The following PEX3 variants were observed in gnomAD, a reference collection of about 807,000 sequenced individuals.
The protein encoded by PEX3 is peroxin-3.
PEX3 carries 30 observed loss-of-function variants against 55.8 expected under a neutral mutation model. That is an observed-to-expected ratio of 0.54 (90% CI 0.40 to 0.73). The LOEUF is 0.73. PEX3 is among the 30% of genes least tolerant of loss of function. The pLI is 0.00. For synonymous variants in PEX3, 135 were observed against 148.4 expected (o/e 0.91, Z 0.66); for missense variants, 351 against 432.8 (o/e 0.81, Z 1.68).
chr6:143,450,900 GA>G lies in PEX3; in HGVS notation c.-140del. On this transcript the variant is annotated 5_prime_UTR_variant, in exon 1 of 12. Transcript: ENST00000367591. ...TGCCGCTCCGGTGACAGTCTCTGCG[GA>G]AAGTCACGTTTGTGATTTCGGGAGA... 2.4e-6 allele frequency: 2 copies of G among 823,908 alleles called. No individual in the cohort carries two copies. Among genetic ancestry groups the G allele is most frequent in the Admixed American group, 1.7e-5 (1 of 58,406 alleles). 51.0% of individuals were successfully genotyped at this position (823,908 alleles called of 1,614,324 possible).
chr6:143,489,885 G>A lies in PEX3; in HGVS notation c.*659G>A, dbSNP rs1780365144. 6.6e-6 allele frequency: 1 copy of A among 152,088 alleles called. No homozygotes were observed. The highest frequency in any genetic ancestry group is 6.5e-5 in the Admixed American group (1 of 15,274). The allele number at this position is 152,088 out of a possible 1,614,324, so 9.4% of individuals were successfully genotyped here. A position where few individuals can be genotyped will look rare whatever the true frequency, so the allele number is the denominator to read the frequency against. ...ACATATTGGTTTAGAGGCTAAAATT[G>A]TGTTGATGCTGTTTACTCACCTAAT... On this transcript the variant is annotated 3_prime_UTR_variant, in exon 12 of 12. Transcript: ENST00000367591. This position sits in a 1 kb window ranked among gnomAD's most constrained non-coding sequence, Gnocchi z 5.5.
Position 143,467,310 on chromosome 6 carries a change from C to T in PEX3, c.288-812C>T, listed in dbSNP as rs1780005321. ...TTTAGACTAATTTTCTAAATTTTGA[C>T]TAATTTAGAAATATCAGTATGAATT... is the stretch of plus-strand genomic sequence containing the variant. On this transcript the variant is annotated intron_variant, in intron 3 of 11. Coordinates refer to ENST00000367591, the MANE Select transcript of PEX3 (RefSeq NM_003630.3). Among the ~76,000 whole-genome samples the T allele has an allele frequency of 2.0e-5, 3 of 151,968 alleles. No homozygotes were observed. In the South Asian group the frequency reaches 6.2e-4, roughly 32 times the overall value.
Position 143,471,395 on chromosome 6 carries a change from C to G in PEX3, c.469C>G (p.Pro157Ala). 6.2e-7 allele frequency: 1 copy of G among 1,604,310 alleles called. No individual in the cohort carries two copies. The highest frequency in any genetic ancestry group is 8.5e-7 in the Non-Finnish European group (1 of 1,171,552). Residue 157 changes from proline to alanine, a missense_variant, in exon 6 of 12, where the codon CCC becomes GCC. Pro to Ala is a conservative substitution (Grantham distance 27, BLOSUM62 -1). Transcript: ENST00000367591. The surrounding 1 kb of genome is among the most constrained non-coding windows in gnomAD (Gnocchi z 5.4). ...CTGTTTTATACAGACAATTCTTGCT[C>G]CCCCAGATGTCCAACAGCAGTATTT... ...VGKNGTTILAPPDVQQQYLSS... is the reference protein window; with the variant it reads ...VGKNGTTILAAPDVQQQYLSS...
At chr6:143,480,872 G>C (rs946531180) in intron 10 of PEX3, among the ~76,000 whole-genome samples, 3 of 152,064 alleles carry the variant, frequency 2.0e-5, no homozygotes, top group African/African-American at 7.2e-5. Context: ...AATTAGCTGG[G>C]CATGCGGCAC....
At position 143,482,151 on chromosome 6, in the gene PEX3, C is replaced by G. The variant is rs1233933795; in HGVS notation, c.941+2953C>G. 6.6e-6 allele frequency among the ~76,000 whole-genome samples: 1 copy of G among 151,932 alleles called. No homozygotes were observed. Among genetic ancestry groups the G allele is most frequent in the African/African-American group, 2.4e-5 (1 of 41,346 alleles). ...CTAGGAGAAGACCAATTTTGAGATT[C>G]AATTAAGGAAAGCTGTTGATTTTTT... is the stretch of plus-strand genomic sequence containing the variant. On this transcript the variant is annotated intron_variant, in intron 10 of 11. Transcript: ENST00000367591. The surrounding 1 kb of genome is among the most constrained non-coding windows in gnomAD (Gnocchi z 5.5).
intron 1 of PEX3, among the ~76,000 whole-genome samples, chr6:143,456,764 C>T: frequency 6.6e-6 from 1 of 152,190 alleles, no homozygotes; most frequent in East Asian, 1.9e-4. Context: ...AATAAGGTCA[C>T]ATTCTGAGGT....
At chr6:143,470,843 A>G (rs1285170346) in intron 4 of PEX3, 118 bp from the exon 5 acceptor site, 8 of 770,572 alleles carry the variant, frequency 1.0e-5, no homozygotes, top group Non-Finnish European at 1.5e-5. Context: ...TTTATACTAG[A>G]AACAGTTGTA....
chr6:143,462,853 A>G lies in PEX3; in HGVS notation c.206-63A>G. ...TATCATATAGCCTAAAACAATGCGC[A>G]TTTCTTAGTGAGGGCAGTCATATCA... On this transcript the variant is annotated intron_variant, in intron 2 of 11. Transcript: ENST00000367591. This position sits in a 1 kb window ranked among gnomAD's most constrained non-coding sequence, Gnocchi z 4.1. 1.6e-6 allele frequency: 2 copies of G among 1,245,868 alleles called. No individual in the cohort carries two copies. The highest frequency in any genetic ancestry group is 2.4e-5 in the South Asian group (2 of 83,692). The allele number at this position is 1,245,868 out of a possible 1,614,324, so 77.2% of individuals were successfully genotyped here.
rs991212832 is a variant in PEX3, at chr6:143,471,031, C to T, written c.402C>T (p.Asn134=). ...MLVVLLRVQL[N]IIGGYIYLDN... Reference sequence around the variant, plus strand: ...TTGTTCTTTTGCGGGTCCAGTTAAACATAATTGGTGGATATATTTACCTGG... The same window carrying T: ...TTGTTCTTTTGCGGGTCCAGTTAAATATAATTGGTGGATATATTTACCTGG... The change falls in exon 5 of 12, where the codon AAC becomes AAT. Residue 134 remains asparagine, a synonymous_variant. Coordinates refer to ENST00000367591, the MANE Select transcript of PEX3 (RefSeq NM_003630.3). The surrounding 1 kb of genome is among the most constrained non-coding windows in gnomAD (Gnocchi z 5.4). 1 of 1,611,982 alleles carries T rather than the reference C, an allele frequency of 6.2e-7. No homozygotes were observed. The highest frequency in any genetic ancestry group is 1.3e-5 in the African/African-American group (1 of 74,874).
rs1396362046 is a variant in PEX3 at position 143,466,917 on chromosome 6, G to A, written c.288-1205G>A. Among the ~76,000 whole-genome samples, 1 of 151,414 alleles carries A rather than the reference G, an allele frequency of 6.6e-6. No homozygotes were observed. The highest frequency in any genetic ancestry group is 1.5e-5 in the Non-Finnish European group (1 of 67,758). On this transcript the variant is annotated intron_variant, in intron 3 of 11. Transcript: ENST00000367591. This position sits in a 1 kb window ranked among gnomAD's most constrained non-coding sequence, Gnocchi z 5.4. Reference sequence around the variant, plus strand: ...ATACTGTATTATATAAATTTGACTTGGGAACCATATAAATATTTAATATTA... The same window carrying A: ...ATACTGTATTATATAAATTTGACTTAGGAACCATATAAATATTTAATATTA...
rs975443025 is a variant in PEX3 at position 143,487,542 on chromosome 6, T to C, written c.1039-1601T>C. On this transcript the variant is annotated intron_variant, in intron 11 of 11. Transcript: ENST00000367591. The surrounding 1 kb of genome is among the most constrained non-coding windows in gnomAD (Gnocchi z 5.3). ...ATAAGATCCTTAAGATTAGAGCTTTTTCGTAACTCAAAACCAAAGCACTTT... is the reference window on the plus strand; with the variant it reads ...ATAAGATCCTTAAGATTAGAGCTTTCTCGTAACTCAAAACCAAAGCACTTT... Among the ~76,000 whole-genome samples the C allele has an allele frequency of 5.3e-5, 8 of 152,128 alleles. No homozygotes were observed. The highest frequency in any genetic ancestry group is 1.9e-4 in the African/African-American group (8 of 41,448).
intron 4 of PEX3, among the ~76,000 whole-genome samples, chr6:143,468,800 A>G (rs1780025725): frequency 3.8e-4 from 1 of 2,606 alleles, no homozygotes; most frequent in Non-Finnish European, 7.0e-4. Flanking sequence ...TCCTAATGCT[A>G]TCCCCCCCCC....
chr6:143,472,199 G>A lies in PEX3; in HGVS notation c.618G>A (p.Glu206=), dbSNP rs1276713131. 2 of 1,610,592 alleles carry A rather than the reference G, an allele frequency of 1.2e-6. No individual in the cohort carries two copies. The highest frequency in any genetic ancestry group is 1.7e-5 in the Admixed American group (1 of 59,974). The change falls in exon 8 of 12, where the codon GAG becomes GAA. Residue 206 remains glutamate, a synonymous_variant. Transcript: ENST00000367591. ...LKHSLSLLDL[E]QKLKEIRNLV... ...ATTCTTTGTCCCTTTTGGACTTGGA[G>A]CAAAAACTAAAAGAAATCAGAAATC... is the stretch of plus-strand genomic sequence containing the variant.
Position 143,451,256 on chromosome 6 carries a change from T to C in PEX3, c.73+141T>C. On this transcript the variant is annotated intron_variant, in intron 1 of 11. Coordinates refer to ENST00000367591, the MANE Select transcript of PEX3 (RefSeq NM_003630.3). The surrounding 1 kb of genome is among the most constrained non-coding windows in gnomAD (Gnocchi z 4.1). ...ATCAACCATGGGATGAAAAGGGAGG[T>C]GGCCAACCTCCAGGGTTCTCCCATC... 1.4e-6 allele frequency: 1 copy of C among 710,946 alleles called. No homozygotes were observed. Among genetic ancestry groups the C allele is most frequent in the South Asian group, 1.5e-5 (1 of 66,380 alleles). The allele number at this position is 710,946 out of a possible 1,614,324, so 44.0% of individuals were successfully genotyped here.
intron 10 of PEX3, among the ~76,000 whole-genome samples, chr6:143,481,232 AT>A (rs1780237948): frequency 6.6e-6 from 1 of 150,492 alleles, no homozygotes; most frequent in South Asian, 2.1e-4. Context: ...ATGTAATATA[AT>A]GTATAATGGA....
chr6:143,451,500 C>T lies in PEX3; in HGVS notation c.73+385C>T, dbSNP rs1239766948. ...GCACTCTTGATACTTTGGCTCTCAC[C>T]CTTCTCAGGAGTTTAATAATAATCT... On this transcript the variant is annotated intron_variant, in intron 1 of 11. Transcript: ENST00000367591. The surrounding 1 kb of genome is among the most constrained non-coding windows in gnomAD (Gnocchi z 4.1). 6.6e-6 allele frequency among the ~76,000 whole-genome samples: 1 copy of T among 152,122 alleles called. No individual in the cohort carries two copies. The highest frequency in any genetic ancestry group is 1.5e-5 in the Non-Finnish European group (1 of 68,020).
At chr6:143,481,148 TTATATATATA>T (rs72384031) in intron 10 of PEX3, among the ~76,000 whole-genome samples, 1 of 146,346 alleles carries the variant, frequency 6.8e-6, no homozygotes, top group Non-Finnish European at 1.5e-5. Flanking sequence ...AGGCTTTAAT[TTATATATATA>T]TATATATATA....
chr6:143,484,943 A>G, intron 10 of PEX3: 1 of 536,918 alleles, frequency 1.9e-6, no homozygotes, highest in Admixed American at 3.2e-5. Flanking sequence ...ACAAAAAAAC[A>G]AAGATATGTG....
In PEX3 at chr6:143,459,104, A is replaced by G; in HGVS notation, c.93A>G (p.Lys31=). ...TVLGGVYILG[K]YGQKKIREIQ... ...TTGTAGGAGTATATATTCTGGGGAA[A>G]TATGGACAGAAGAAAATCAGAGAAA... The change falls in exon 2 of 12, where the codon AAA becomes AAG. Residue 31 remains lysine (K), a synonymous_variant. Transcript: ENST00000367591. The surrounding 1 kb of genome is among the most constrained non-coding windows in gnomAD (Gnocchi z 4.2). 6.3e-7 allele frequency: 1 copy of G among 1,595,970 alleles called. No homozygotes were observed. The highest frequency in any genetic ancestry group is 2.2e-5 in the East Asian group (1 of 44,746).
Sources: allele counts gnomAD v4.1 joint callset (sites outside exome capture counted in the v4.1 genomes callset), GRCh38; gene constraint gnomAD v4.1.1; non-coding constraint Gnocchi (gnomAD v3.1); transcripts MANE v1.5; gene names NCBI Gene and HGNC (gene_info 2026-07-23, HGNC 2026-07-21).